Variants in MGMT observed in about 807,000 individuals in gnomAD.
The protein encoded by MGMT is methylated-DNA--protein-cysteine methyltransferase.
A neutral mutation model predicts 15.9 loss-of-function variants in MGMT; 14 were observed. That is an observed-to-expected ratio of 0.88 (90% CI 0.58 to 1.37). The LOEUF is 1.37. MGMT is among the 40% of genes most tolerant of loss of function. The probability of loss-of-function intolerance (pLI) is 0.00; values close to 1 mark genes in which losing one functional copy is unlikely to be tolerated. For missense variants in MGMT, 282 were observed against 268.1 expected (o/e 1.05, Z -0.36); for synonymous variants, 130 against 118.2 (o/e 1.10, Z -0.65).
intron 3 of MGMT, among the ~76,000 whole-genome samples, chr10:129,758,724 C>T (rs371272577): frequency 2.1e-4 from 32 of 152,300 alleles, no homozygotes; most frequent in Admixed American, 6.5e-4. Flanking sequence ...ATCCTGCACG[C>T]GGCTGGAGGT....
At chr10:129,576,865 A>C (rs1846489639) in intron 2 of MGMT, among the ~76,000 whole-genome samples, 1 of 152,216 alleles carries the variant, frequency 6.6e-6, no homozygotes, top group South Asian at 2.1e-4. Flanking sequence ...AATGTGCAAA[A>C]ATCACAAGCA....
intron 1 of MGMT, among the ~76,000 whole-genome samples, chr10:129,509,808 A>G (rs1046634618): frequency 6.6e-6 from 1 of 152,240 alleles, no homozygotes; most frequent in African/African-American, 2.4e-5. Flanking sequence ...TTTAGAAAGC[A>G]TCTCCTGTCC....
intron 1 of MGMT, among the ~76,000 whole-genome samples, chr10:129,515,275 C>T (rs999647668): frequency 3.3e-5 from 5 of 152,238 alleles, no homozygotes; most frequent in African/African-American, 4.8e-5. Flanking sequence ...CCGTCAGGAG[C>T]AGCAGCTGCG....
intron 2 of MGMT, among the ~76,000 whole-genome samples, chr10:129,641,313 A>C (rs1185553898): frequency 6.6e-6 from 1 of 152,244 alleles, no homozygotes; most frequent in Admixed American, 6.5e-5. Context: ...TAACATTTAA[A>C]GAAATGGAGA....
At chr10:129,546,462 C>G (rs188835293) in intron 2 of MGMT, among the ~76,000 whole-genome samples, 5 of 152,304 alleles carry the variant, frequency 3.3e-5, no homozygotes, top group Admixed American at 1.3e-4. Context: ...TGCGAGCCCC[C>G]TCTTGGGCAT....
chr10:129,524,469 G>C (rs1377763697), intron 1 of MGMT, among the ~76,000 whole-genome samples: 1 of 151,990 alleles, frequency 6.6e-6, no homozygotes, highest in Middle Eastern at 3.2e-3. Context: ...TGATGTCATG[G>C]AATCTCTTCA....
At chr10:129,729,993 A>T (rs1848477991) in intron 3 of MGMT, among the ~76,000 whole-genome samples, 1 of 152,140 alleles carries the variant, frequency 6.6e-6, no homozygotes, top group Non-Finnish European at 1.5e-5. Flanking sequence ...TGGATGGGGT[A>T]CTGCCCTAGT....
In MGMT at chr10:129,716,957, G is replaced by T. The variant is rs182728374; in HGVS notation, c.274+8914G>T. On this transcript the variant is annotated intron_variant, in intron 3 of 4. Transcript: ENST00000651593. ...TGAGCATATTTTACTAAGAAAAAAG[G>T]CCGCATTGACGCATGCATAACTCAT... is the stretch of plus-strand genomic sequence containing the variant. Among the ~76,000 whole-genome samples the T allele has an allele frequency of 4.4e-4, 67 of 152,320 alleles. 1 individual carries two copies. In the East Asian group the frequency reaches 9.5e-3, roughly 21 times the overall value.
intron 2 of MGMT, among the ~76,000 whole-genome samples, chr10:129,685,846 C>T (rs982806574): frequency 2.6e-5 from 4 of 152,332 alleles, no homozygotes; most frequent in African/African-American, 7.2e-5. Context: ...CCACATCTTC[C>T]TCTGGGTTTC....
chr10:129,514,681 G>A (rs1486947013), intron 1 of MGMT, among the ~76,000 whole-genome samples: 1 of 152,182 alleles, frequency 6.6e-6, no homozygotes, highest in Non-Finnish European at 1.5e-5. Flanking sequence ...GTGCCCTTAT[G>A]AAAGAGACTC....
intron 3 of MGMT, among the ~76,000 whole-genome samples, chr10:129,713,948 G>T (rs1299902912): frequency 6.6e-6 from 1 of 152,212 alleles, no homozygotes; most frequent in African/African-American, 2.4e-5. Context: ...TTCCCAGTGA[G>T]TGGGCTCCCG....
chr10:129,705,871 C>T (rs1848154391), intron 2 of MGMT, among the ~76,000 whole-genome samples: 1 of 151,930 alleles, frequency 6.6e-6, no homozygotes, highest in Admixed American at 6.5e-5. Context: ...CCAGGGAGAC[C>T]AGCAGAATCA....
chr10:129,565,464 A>G (rs889778480), intron 2 of MGMT, among the ~76,000 whole-genome samples: 2 of 152,208 alleles, frequency 1.3e-5, no homozygotes, highest in African/African-American at 2.4e-5. Flanking sequence ...TGAATGATGA[A>G]TATGCTACCG....
At chr10:129,675,534 G>A (rs1286836634) in intron 2 of MGMT, among the ~76,000 whole-genome samples, 2 of 152,194 alleles carry the variant, frequency 1.3e-5, no homozygotes, top group Non-Finnish European at 2.9e-5. Context: ...CTAGCAGGAG[G>A]GGAGTCCCCA....
intron 1 of MGMT, among the ~76,000 whole-genome samples, chr10:129,507,172 G>A (rs1845634215): frequency 6.6e-6 from 1 of 152,240 alleles, no homozygotes; most frequent in Admixed American, 6.5e-5. Context: ...AGTGTTGAAA[G>A]GTCTCTGTGA....
chr10:129,469,182 C>T (rs899882952), intron 1 of MGMT, among the ~76,000 whole-genome samples: 1 of 152,154 alleles, frequency 6.6e-6, no homozygotes. Flanking sequence ...TTGCCTTCCC[C>T]ATTGCCCCCT....
At chr10:129,683,170 A>T (rs1847871598) in intron 2 of MGMT, among the ~76,000 whole-genome samples, 1 of 152,212 alleles carries the variant, frequency 6.6e-6, no homozygotes, top group East Asian at 1.9e-4. Context: ...TTAAAAAGAG[A>T]AAATGGACAA....
intron 4 of MGMT, among the ~76,000 whole-genome samples, chr10:129,761,604 T>C (rs1848874355): frequency 6.6e-6 from 1 of 152,246 alleles, no homozygotes; most frequent in African/African-American, 2.4e-5. Context: ...CAGTATGGCC[T>C]CAGTCACTGA....
intron 3 of MGMT, among the ~76,000 whole-genome samples, chr10:129,711,785 C>G (rs1848236183): frequency 6.6e-6 from 1 of 152,094 alleles, no homozygotes; most frequent in Non-Finnish European, 1.5e-5. Flanking sequence ...AAGCCTCTCG[C>G]AAGGGTCAGC....
Sources: gnomAD v4.1 joint callset for allele counts (sites outside exome capture counted in the v4.1 genomes callset) on GRCh38, gnomAD v4.1.1 for gene constraint, MANE v1.5 for transcripts, NCBI Gene and HGNC (gene_info 2026-07-23, HGNC 2026-07-21) for gene names.